The following BTG3 variants were observed in gnomAD, a reference collection of about 807,000 sequenced individuals.
BTG3 encodes the protein BTG anti-proliferation factor 3, also known as protein BTG3.
A neutral mutation model predicts 25.8 loss-of-function variants in BTG3; 4 were observed. That is an observed-to-expected ratio of 0.16 (90% CI 0.08 to 0.36). BTG3 has a LOEUF of 0.36. BTG3 is among the 10% of genes least tolerant of loss of function. BTG3 has a pLI of 1.00. For missense variants in BTG3, 201 were observed against 304.9 expected, an observed-to-expected ratio of 0.66 and a Z score of 2.54; for synonymous variants, 107 against 99.9, an observed-to-expected ratio of 1.07 and a Z score of -0.42.
At chr21:17,603,533 T>C (rs2061599966) in intron 3 of BTG3, among the ~76,000 whole-genome samples, 1 of 152,204 alleles carries the variant, frequency 6.6e-6, no homozygotes, top group Non-Finnish European at 1.5e-5. Flanking sequence ...CCTTCATTGC[T>C]GGAATCAGGT....
At chr21:17,607,413 GAGATA>G (rs2061658393) in intron 2 of BTG3, among the ~76,000 whole-genome samples, 1 of 151,948 alleles carries the variant, frequency 6.6e-6, no homozygotes. Context: ...AGATAATCAA[GAGATA>G]AGATAAAAAA....
intron 2 of BTG3, chr21:17,608,688 G>T: frequency 3.1e-6 from 1 of 318,554 alleles, no homozygotes; most frequent in East Asian, 5.0e-5. Flanking sequence ...CTAAGTATTT[G>T]TGATAAACAG....
Position 17,608,966 on chromosome 21 carries a change from C to G in BTG3, c.173+6G>C, listed in dbSNP as rs748192406. ...AGCCTCTGCTTAATCCAATCTAATCCTTTACCTGTAGGCCTGTCCTTTCGA... is the reference window on the plus strand; with the variant it reads ...AGCCTCTGCTTAATCCAATCTAATCGTTTACCTGTAGGCCTGTCCTTTCGA... On this transcript the variant is annotated splice_donor_region_variant and intron_variant, in intron 2 of 4. Transcript: ENST00000348354. 1.1e-5 allele frequency: 17 copies of G among 1,610,940 alleles called. No homozygotes were observed. The South Asian group carries it at 1.9e-4, about 18-fold the overall frequency.
Position 17,608,834 on chromosome 21 carries a change from A to C in BTG3, c.173+138T>G, listed in dbSNP as rs867628381. Reference sequence around the variant, plus strand: ...ACTTGTTTTAAAATGAGTAAGGAGAAAATATACAAACACCCCAGAGTTCTA... The same window carrying C: ...ACTTGTTTTAAAATGAGTAAGGAGACAATATACAAACACCCCAGAGTTCTA... On this transcript the variant is annotated intron_variant, in intron 2 of 4. Coordinates refer to ENST00000348354, the MANE Select transcript of BTG3 (RefSeq NM_006806.5). 57 of 841,544 alleles carry C rather than the reference A, an allele frequency of 6.8e-5. 3 individuals are homozygous for C. The Middle Eastern group carries it at 9.6e-3, about 141-fold the overall frequency. The allele number at this position is 841,544 out of a possible 1,614,324, so 52.1% of individuals were successfully genotyped here.
intron 4 of BTG3, among the ~76,000 whole-genome samples, chr21:17,597,575 A>G (rs2061520564): frequency 6.6e-6 from 1 of 152,192 alleles, no homozygotes; most frequent in East Asian, 1.9e-4. Flanking sequence ...AGGACTTCTC[A>G]CTATTATACT....
chr21:17,595,696 CAA>C (rs748402647), intron 4 of BTG3, among the ~76,000 whole-genome samples: 10 of 151,770 alleles, frequency 6.6e-5, no homozygotes, highest in Non-Finnish European at 8.8e-5. Context: ...ATTAAAAAAA[CAA>C]TGATACACAA....
chr21:17,603,362 G>A (rs924471258), intron 3 of BTG3, among the ~76,000 whole-genome samples: 19 of 152,094 alleles, frequency 1.2e-4, no homozygotes, highest in Non-Finnish European at 2.6e-4. Context: ...AAGAAGTATT[G>A]GAGAATGTTT....
chr21:17,603,542 G>A (rs1334897672), intron 3 of BTG3, among the ~76,000 whole-genome samples: 8 of 152,142 alleles, frequency 5.3e-5, no homozygotes, highest in Non-Finnish European at 8.8e-5. Flanking sequence ...CTGGAATCAG[G>A]TCAGTCTGCG....
chr21:17,594,241 T>G lies in BTG3; in HGVS notation c.611A>C (p.His204Pro). The stretch of plus-strand genomic sequence containing the variant: ...ACCAAATGGAACAGGAGGAGGATAG[T>G]GATTCTGATGGCCATTCCCTCGATA... ...GMYRGNGHQN[H>P]YPPPVPFGYP... The change falls in exon 5 of 5, where the codon CAC becomes CCC. Residue 204 changes from histidine to proline, a missense_variant. Around this residue, in one of 2 missense-constraint regions of BTG3, gnomAD observed 131 missense variants for 129.3 expected, o/e 1.01. Transcript: ENST00000348354. The G allele has an allele frequency of 1.9e-6, 3 of 1,613,368 alleles. No homozygotes were observed. The highest frequency in any genetic ancestry group is 2.5e-6 in the Non-Finnish European group (3 of 1,179,440).
intron 3 of BTG3, chr21:17,599,117 ATTGTT>A: frequency 3.5e-6 from 1 of 289,156 alleles, no homozygotes; most frequent in Non-Finnish European, 6.4e-6. Context: ...AAAAAAGTCC[ATTGTT>A]TTGATTACAT....
At chr21:17,597,921 TAAGTA>T (rs1191651634) in intron 4 of BTG3, among the ~76,000 whole-genome samples, 1 of 152,160 alleles carries the variant, frequency 6.6e-6, no homozygotes, top group Non-Finnish European at 1.5e-5. Flanking sequence ...TCAAAGCAAG[TAAGTA>T]AAAATAGATA....
chr21:17,604,483 GAAAC>G, intron 3 of BTG3, among the ~76,000 whole-genome samples: 1 of 152,180 alleles, frequency 6.6e-6, no homozygotes. Context: ...AACAGAAACA[GAAAC>G]AAACCAAAAG....
At chr21:17,608,872 G>T (rs578123281) in intron 2 of BTG3, 100 bp downstream of exon 2, 47 of 1,165,920 alleles carry the variant, frequency 4.0e-5, no homozygotes, top group Non-Finnish European at 4.9e-5. Flanking sequence ...TTTTGCAGAT[G>T]AAACACCTGT....
chr21:17,609,217 T>C (rs2061685837), intron 1 of BTG3, 65 bp from the exon 2 acceptor site: 1 of 1,479,814 alleles, frequency 6.8e-7, no homozygotes, highest in East Asian at 2.3e-5. Context: ...TGAAGCTCTG[T>C]AAGATATACC....
chr21:17,597,040 T>C lies in BTG3; in HGVS notation c.519+1577A>G, dbSNP rs527660123. Among the ~76,000 whole-genome samples the C allele has an allele frequency of 5.3e-5, 8 of 152,198 alleles. No individual in the cohort carries two copies. In the South Asian group the frequency reaches 1.7e-3, roughly 32 times the overall value. On this transcript the variant is annotated intron_variant, in intron 4 of 4. Coordinates refer to ENST00000348354, the MANE Select transcript of BTG3 (RefSeq NM_006806.5). ...TCAAAGTGGGCCATTTGCACTAGCT[T>C]TCACACAAGTAGTGTTTCTCTATTA...
intron 3 of BTG3, among the ~76,000 whole-genome samples, chr21:17,602,216 ACTT>A (rs1334812143): frequency 2.0e-5 from 3 of 152,194 alleles, no homozygotes; most frequent in East Asian, 1.9e-4. Flanking sequence ...TGTTCTCAGA[ACTT>A]CTCATCATAG....
At chr21:17,600,947 A>C (rs1354344490) in intron 3 of BTG3, among the ~76,000 whole-genome samples, 1 of 152,176 alleles carries the variant, frequency 6.6e-6, no homozygotes, top group African/African-American at 2.4e-5. Flanking sequence ...GTGGATCATG[A>C]GGTCAGGCGT....
intron 3 of BTG3, 46 bp from the exon 4 acceptor site, chr21:17,598,870 A>G (rs2061536741): frequency 3.4e-6 from 5 of 1,490,640 alleles, no homozygotes; most frequent in Non-Finnish European, 4.6e-6. Context: ...TCACATCAGC[A>G]AAGCAAAAAA....
chr21:17,604,046 A>C, intron 3 of BTG3: 9 of 994,718 alleles, frequency 9.0e-6, no homozygotes, highest in Non-Finnish European at 1.1e-5. Flanking sequence ...AAAAGATTTC[A>C]TACCTAGCAC....
Sources: allele counts gnomAD v4.1 joint callset (sites outside exome capture counted in the v4.1 genomes callset), GRCh38; gene constraint gnomAD v4.1.1; regional missense constraint gnomAD v4.1.1; transcripts MANE v1.5; gene names NCBI Gene and HGNC (gene_info 2026-07-23, HGNC 2026-07-21).